The following ISM2 variants were observed in gnomAD, a reference collection of about 807,000 sequenced individuals.
ISM2 encodes the protein isthmin-2.
In ISM2, 50 loss-of-function variants were observed where a neutral mutation model predicts 58.0. The ratio of observed to expected loss-of-function variants is 0.86; its 90% CI spans 0.69 to 1.09. The LOEUF (loss-of-function observed/expected upper bound fraction) is 1.09. Among genes scored for constraint, ISM2 ranks in the 50% least tolerant of loss-of-function variants. The probability of loss-of-function intolerance (pLI) is 0.00; values close to 1 mark genes in which losing one functional copy is unlikely to be tolerated. For synonymous variants in ISM2, 303 were observed against 312.4 expected (o/e 0.97, Z 0.32); for missense variants, 723 against 745.0 (o/e 0.97, Z 0.34).
chr14:77,481,582 G>A (rs8005999), intron 4 of ISM2, among the ~76,000 whole-genome samples: 8,649 of 152,232 alleles, frequency 0.057, 298 homozygotes, highest in Middle Eastern at 0.095. Flanking sequence ...CTGAGGCACA[G>A]AGAGTTGAAG....
At chr14:77,494,612 G>C (rs2079227580) in intron 1 of ISM2, among the ~76,000 whole-genome samples, 1 of 151,976 alleles carries the variant, frequency 6.6e-6, no homozygotes. Flanking sequence ...GGCCAGGCTG[G>C]TCTTGAACTC....
intron 6 of ISM2, among the ~76,000 whole-genome samples, chr14:77,476,462 T>C (rs892140836): frequency 1.3e-5 from 2 of 152,076 alleles, no homozygotes; most frequent in Admixed American, 6.6e-5. Context: ...CTGGGGTGAG[T>C]GGAGACAGGT....
At position 77,484,708 on chromosome 14, in the gene ISM2, G is replaced by A. The variant is rs774815444; in HGVS notation, c.353C>T (p.Thr118Ile). ...ELQKLPGLAN[T>I]TLSTPNPDTQ... ...ATCAGGGTTAGGGGTACTCAAGGTT[G>A]TGTTGGCCAATCCCGGCAGCTTCTG... The change falls in exon 2 of 7, where the codon ACA becomes ATA. Residue 118 changes from threonine to isoleucine, a missense_variant. Coordinates refer to ENST00000342219, the MANE Select transcript of ISM2 (RefSeq NM_199296.3). 2 of 1,611,940 alleles carry A rather than the reference G, an allele frequency of 1.2e-6. No individual in the cohort carries two copies. Among genetic ancestry groups the A allele is most frequent in the South Asian group, 1.1e-5 (1 of 90,986 alleles).
intron 1 of ISM2, among the ~76,000 whole-genome samples, chr14:77,492,956 T>C (rs534752554): frequency 9.2e-5 from 14 of 152,020 alleles, no homozygotes; most frequent in African/African-American, 3.4e-4. Context: ...GATTGTGCCA[T>C]TGCTCTCCAG....
At chr14:77,487,849 T>A (rs2079177705) in intron 1 of ISM2, among the ~76,000 whole-genome samples, 1 of 151,992 alleles carries the variant, frequency 6.6e-6, no homozygotes. Flanking sequence ...CTGCAGCCAA[T>A]CCCCCTGGGC....
intron 2 of ISM2, 48 bp downstream of exon 2, chr14:77,484,629 G>T (rs1184854667): frequency 3.7e-6 from 6 of 1,606,538 alleles, no homozygotes; most frequent in South Asian, 1.1e-5. Flanking sequence ...ACCCAGAAAA[G>T]GCTGGCCAGG....
At chr14:77,479,344 A>G (rs1394261861) in intron 4 of ISM2, among the ~76,000 whole-genome samples, 1 of 142,310 alleles carries the variant, frequency 7.0e-6, no homozygotes, top group Non-Finnish European at 1.5e-5. Flanking sequence ...TCAGCCTCCC[A>G]TGCAGCTGGA....
In ISM2 at chr14:77,498,421, T is replaced by A. The variant is rs142628021; in HGVS notation, c.141+232A>T. ...ACAGAAGTCAAACTTGTCACCCGGC[T>A]GGTCCGCGGCAGCCCGGCTCGCGGT... On this transcript the variant is annotated intron_variant, in intron 1 of 6. Coordinates refer to ENST00000342219, the MANE Select transcript of ISM2 (RefSeq NM_199296.3). 80 of 1,252,154 alleles carry A rather than the reference T, an allele frequency of 6.4e-5. No individual in the cohort carries two copies. In the Middle Eastern group the frequency reaches 1.3e-3, roughly 21 times the overall value. The allele number at this position is 1,252,154 out of a possible 1,614,324, so 77.6% of individuals were successfully genotyped here. A position where few individuals can be genotyped will look rare whatever the true frequency, so the allele number is the denominator to read the frequency against.
chr14:77,485,602 T>C (rs758150855), intron 1 of ISM2, among the ~76,000 whole-genome samples: 24 of 152,276 alleles, frequency 1.6e-4, no homozygotes, highest in Non-Finnish European at 2.6e-4. Flanking sequence ...ATGTCATCTC[T>C]GACTCCTGTT....
At chr14:77,478,125 A>T (rs1206403568) in intron 6 of ISM2, 117 bp downstream of exon 6, 2 of 822,286 alleles carry the variant, frequency 2.4e-6, no homozygotes, top group Non-Finnish European at 4.0e-6. Context: ...TTCCAGATGG[A>T]AGCTGTGCTC....
Position 77,482,459 on chromosome 14 carries a change from T to G in ISM2, c.836A>C (p.Asp279Ala). The change falls in exon 4 of 7, where the codon GAT becomes GCT. Residue 279 changes from aspartate to alanine, a missense_variant. By Grantham distance (126) the Asp-to-Ala change is moderately radical. Coordinates refer to ENST00000342219, the MANE Select transcript of ISM2 (RefSeq NM_199296.3). ...KEEDEDYPSE[D>A]IEGEDQEDKE... Reference sequence around the variant, plus strand: ...GTCCTCTTGATCCTCACCCTCGATATCCTCTGAAGGATAGTCCTCGTCTTC... The same window carrying G: ...GTCCTCTTGATCCTCACCCTCGATAGCCTCTGAAGGATAGTCCTCGTCTTC... The G allele has an allele frequency of 6.2e-7, 1 of 1,614,144 alleles. No homozygotes were observed. Among genetic ancestry groups the G allele is most frequent in the East Asian group, 2.2e-5 (1 of 44,880 alleles).
intron 3 of ISM2, chr14:77,483,000 A>G (rs1209581362): frequency 4.4e-6 from 1 of 228,784 alleles, no homozygotes; most frequent in African/African-American, 2.3e-5. Context: ...CTGGCTTTGA[A>G]TCTCGGCTCT....
intron 1 of ISM2, 114 bp downstream of exon 1, chr14:77,498,539 C>A: frequency 7.3e-7 from 1 of 1,371,772 alleles, no homozygotes; most frequent in Non-Finnish European, 9.7e-7. Flanking sequence ...CTCTCTCCAT[C>A]GGGGGGTCGC....
chr14:77,478,843 A>T, intron 4 of ISM2, 128 bp from the exon 5 acceptor site: 1 of 942,140 alleles, frequency 1.1e-6, no homozygotes, highest in Admixed American at 2.4e-5. Context: ...TCATGAATGA[A>T]GCTGGGCTGG....
chr14:77,493,052 G>A (rs1401133913), intron 1 of ISM2, among the ~76,000 whole-genome samples: 2 of 151,954 alleles, frequency 1.3e-5, no homozygotes, highest in East Asian at 3.9e-4. Flanking sequence ...GGAGTGCAGT[G>A]GTGCAATCAA....
chr14:77,496,852 G>A (rs2079245532), intron 1 of ISM2, among the ~76,000 whole-genome samples: 1 of 136,560 alleles, frequency 7.3e-6, no homozygotes, highest in African/African-American at 2.8e-5. Flanking sequence ...GGGGAGTGGG[G>A]ACAGGAAAAA....
chr14:77,477,169 G>GA (rs900504755), intron 6 of ISM2, among the ~76,000 whole-genome samples: 1 of 152,190 alleles, frequency 6.6e-6, no homozygotes, highest in African/African-American at 2.4e-5. Context: ...AGTCACCAGG[G>GA]AACAGCAGAA....
In ISM2 at chr14:77,476,041, G is replaced by T. The variant is rs765229490; in HGVS notation, c.1270C>A (p.Arg424=). Reference sequence around the variant, plus strand: ...GCACACGGGCAGCTGGGCAGGTCCCGCAGCATCTGGCTCAGATACTTGATT... The same window carrying T: ...GCACACGGGCAGCTGGGCAGGTCCCTCAGCATCTGGCTCAGATACTTGATT... ...FLIKYLSQML[R]DLPSCPCAYP... is the part of the protein sequence containing the mutation. The change falls in exon 7 of 7, where the codon CGG becomes AGG. Residue 424 remains arginine, a synonymous_variant. Transcript: ENST00000342219. 6.4e-7 allele frequency: 1 copy of T among 1,557,058 alleles called. No individual in the cohort carries two copies. The highest frequency in any genetic ancestry group is 8.7e-7 in the Non-Finnish European group (1 of 1,155,592).
At position 77,484,848 on chromosome 14, in the gene ISM2, C is replaced by T. The variant is rs1039547014; in HGVS notation, c.213G>A (p.Leu71=). Residue 71 remains leucine, a synonymous_variant, in exon 2 of 7, where the codon CTG becomes CTA. Transcript: ENST00000342219. ...ATCCATGTTGGTGTGGCTCTGCCTG[C>T]AGGTGGGTTCTGGGGAGCAGTGGTG... is the stretch of plus-strand genomic sequence containing the variant. ...EEAPLLPRTH[L]QAEPHQHGCW... 4 of 1,605,764 alleles carry T rather than the reference C, an allele frequency of 2.5e-6. No individual in the cohort carries two copies. The highest frequency in any genetic ancestry group is 3.4e-6 in the Non-Finnish European group (4 of 1,176,022).
Sources: allele counts gnomAD v4.1 joint callset (sites outside exome capture counted in the v4.1 genomes callset), GRCh38; gene constraint gnomAD v4.1.1; transcripts MANE v1.5; gene names NCBI Gene and HGNC (gene_info 2026-07-23, HGNC 2026-07-21).